Variants in CNOT3 observed in about 807,000 individuals in gnomAD.
CNOT3 encodes CCR4-associated factor 3.
In CNOT3, 2 loss-of-function variants were observed where a neutral mutation model predicts 89.4. That is an observed-to-expected ratio of 0.02 (90% CI 0.01 to 0.07). The LOEUF is 0.07. Ranked by LOEUF, CNOT3 falls within the 10% of genes least tolerant of loss-of-function variation. The pLI is 1.00. For synonymous variants in CNOT3, 486 were observed against 402.0 expected (o/e 1.21, Z -2.50); for missense variants, 664 against 1,010.2 (o/e 0.66, Z 4.65).
chr19:54,143,268 C>G (rs1426345134), intron 3 of CNOT3, 82 bp downstream of exon 3: 2 of 1,295,448 alleles, frequency 1.5e-6, no homozygotes, highest in African/African-American at 2.9e-5. Context: ...GGGTGTTGAC[C>G]AGCGGGAGGG....
intron 13 of CNOT3, among the ~76,000 whole-genome samples, chr19:54,150,847 G>A (rs2075054417): frequency 6.6e-6 from 1 of 151,606 alleles, no homozygotes; most frequent in African/African-American, 2.4e-5. Context: ...CTGGAGTGCA[G>A]TGGTGCAATC....
rs587764978 is a variant in CNOT3 at position 54,145,965 on chromosome 19, C to A, written c.759C>A (p.Ile253=). ...GCCACAGCCACATGGAGGATGAGATCTTCAACCAGTCCAGCAGCACGCCCA... is the reference window on the plus strand; with the variant it reads ...GCCACAGCCACATGGAGGATGAGATATTCAACCAGTCCAGCAGCACGCCCA... The part of the protein sequence containing the change: ...PPSHSHMEDE[I]FNQSSSTPTS... Residue 253 remains isoleucine (I), a synonymous_variant, in exon 9 of 18, where the codon ATC becomes ATA. Coordinates refer to ENST00000221232, the MANE Select transcript of CNOT3 (RefSeq NM_014516.4). The surrounding 1 kb of genome is among the most constrained non-coding windows in gnomAD (Gnocchi z 5.9). 6 of 1,613,900 alleles carry A rather than the reference C, an allele frequency of 3.7e-6. No individual in the cohort carries two copies. In the African/African-American group the frequency reaches 6.7e-5, roughly 18 times the overall value.
rs1368080587 is a variant in CNOT3 at position 54,149,737 on chromosome 19, C to T, written c.1584C>T (p.Phe528=). The change falls in exon 13 of 18, where the codon TTC becomes TTT. Residue 528 remains phenylalanine (F), a synonymous_variant. Transcript: ENST00000221232. ...AGALLNGPPQ[F]STAPEIKAPE... is the part of the protein sequence containing the mutation. The stretch of plus-strand genomic sequence containing the variant: ...CCCTGCTCAATGGGCCTCCACAGTT[C>T]AGCACCGCCCCAGAAATCAAGGTGG... The T allele has an allele frequency of 1.9e-6, 3 of 1,610,954 alleles. No homozygotes were observed. The highest frequency in any genetic ancestry group is 2.5e-6 in the Non-Finnish European group (3 of 1,178,204).
chr19:54,154,576 T>C (rs2075315826), intron 17 of CNOT3: 1 of 156,272 alleles, frequency 6.4e-6, no homozygotes. Flanking sequence ...ACAGTGATGT[T>C]TTTTTCCACC....
In CNOT3 at chr19:54,155,332, C is replaced by T. The variant is rs1568698845; in HGVS notation, c.2187C>T (p.Tyr729=). Residue 729 remains tyrosine, a synonymous_variant, in exon 18 of 18, where the codon TAC becomes TAT. Coordinates refer to ENST00000221232, the MANE Select transcript of CNOT3 (RefSeq NM_014516.4). ...FEQGTYIYFD[Y]EKWGQRKKEG... ...AGGGCACCTACATCTACTTTGACTA[C>T]GAGAAGTGGGGCCAGCGGAAGAAGG... The T allele has an allele frequency of 1.2e-6, 2 of 1,612,970 alleles. No homozygotes were observed. The highest frequency in any genetic ancestry group is 1.3e-5 in the African/African-American group (1 of 75,038).
intron 16 of CNOT3, 198 bp from the exon 17 acceptor site, chr19:54,153,517 A>G: frequency 1.3e-6 from 1 of 778,152 alleles, no homozygotes; most frequent in African/African-American, 1.7e-5. Context: ...AGCAATTTTC[A>G]CCTCCTGTCT....
chr19:54,152,890 G>A lies in CNOT3; in HGVS notation c.1928G>A (p.Cys643Tyr). ...RIRQYLPRNP[C>Y]PTPPYHHQMP... is the part of the protein sequence containing the mutation. Reference sequence around the variant, plus strand: ...AGGCAGTACCTCCCCCGGAACCCCTGTCCGACGCCCCCCTACCACCACCAG... The same window carrying A: ...AGGCAGTACCTCCCCCGGAACCCCTATCCGACGCCCCCCTACCACCACCAG... Residue 643 changes from cysteine (C) to tyrosine (Y), a missense_variant, in exon 16 of 18, where the codon TGT becomes TAT. Physicochemically the swap from Cys to Tyr is radical, Grantham distance 194. Transcript: ENST00000221232. 1.3e-6 allele frequency: 2 copies of A among 1,527,652 alleles called. No individual in the cohort carries two copies. Among genetic ancestry groups the A allele is most frequent in the Non-Finnish European group, 1.8e-6 (2 of 1,120,166 alleles). 94.6% of individuals were successfully genotyped at this position (1,527,652 alleles called of 1,614,324 possible). A position where few individuals can be genotyped will look rare whatever the true frequency, so the allele number is the denominator to read the frequency against.
chr19:54,145,278 T>C lies in CNOT3; in HGVS notation c.484-320T>C, dbSNP rs587751952. ...GCGGGCTCAGTTGAGAAATCTGGGC[T>C]GTCAGGTGAGGTGCAGATGGAGGCC... On this transcript the variant is annotated intron_variant, in intron 7 of 17. Transcript: ENST00000221232. This position sits in a 1 kb window ranked among gnomAD's most constrained non-coding sequence, Gnocchi z 5.9. 1.3e-5 allele frequency among the ~76,000 whole-genome samples: 2 copies of C among 152,262 alleles called. No homozygotes were observed. Among genetic ancestry groups the C allele is most frequent in the South Asian group, 4.1e-4 (2 of 4,826 alleles).
In CNOT3 at chr19:54,148,403, A is replaced by G. The variant is rs1158337276; in HGVS notation, c.1150A>G (p.Ser384Gly). The change falls in exon 11 of 18, where the codon AGC becomes GGC. Residue 384 changes from serine to glycine, a missense_variant. Ser to Gly is a moderately conservative substitution (Grantham distance 56). Transcript: ENST00000221232. The surrounding 1 kb of genome is among the most constrained non-coding windows in gnomAD (Gnocchi z 6.3). ...GGCCCCACCAGCTCCCAGTGGGCCC[A>G]GCACGACCCAGCCCCGGCCCCCCAG... Reference protein sequence around the residue: ...AVAPPAPSGPSTTQPRPPSVQ... With the variant: ...AVAPPAPSGPGTTQPRPPSVQ... 5.8e-6 allele frequency: 9 copies of G among 1,564,186 alleles called. No individual in the cohort carries two copies. The highest frequency in any genetic ancestry group is 1.8e-5 in the Admixed American group (1 of 54,804).
chr19:54,152,064 A>G (rs2075145981), intron 13 of CNOT3, among the ~76,000 whole-genome samples, 162 bp from the exon 14 acceptor site: 1 of 152,044 alleles, frequency 6.6e-6, no homozygotes, highest in South Asian at 2.1e-4. Flanking sequence ...TTGTTTCCCT[A>G]CAGTTTGATG....
intron 10 of CNOT3, 110 bp downstream of exon 10, chr19:54,146,767 G>T: frequency 1.3e-6 from 1 of 761,548 alleles, no homozygotes; most frequent in Admixed American, 1.8e-5. Flanking sequence ...GGACACAGGT[G>T]GCTCAGAAAT....
At chr19:54,146,220 A>G (rs2074665469) in intron 9 of CNOT3, among the ~76,000 whole-genome samples, 177 bp downstream of exon 9, 1 of 152,186 alleles carries the variant, frequency 6.6e-6, no homozygotes, top group African/African-American at 2.4e-5. Flanking sequence ...TCCCTAAAGG[A>G]CATAAAGAGC....
intron 1 of CNOT3, among the ~76,000 whole-genome samples, chr19:54,140,815 T>C (rs1197505423): frequency 1.3e-5 from 2 of 152,200 alleles, no homozygotes; most frequent in Admixed American, 6.5e-5. Context: ...CTTCTCTTGC[T>C]GCCACAGTGT....
rs1267318885 is a variant in CNOT3 at position 54,150,618 on chromosome 19, CAGTGTGCGCGCCCAGGCTGTCCAG to C, written c.1605+861_1605+884del. Among the ~76,000 whole-genome samples the C allele has an allele frequency of 9.7e-5, 12 of 123,596 alleles. No homozygotes were observed. In the South Asian group the frequency reaches 3.1e-3, roughly 32 times the overall value. The allele number at this position is 123,596 out of a possible 152,430, so 81.1% of individuals were successfully genotyped here. A position where few individuals can be genotyped will look rare whatever the true frequency, so the allele number is the denominator to read the frequency against. On this transcript the variant is annotated intron_variant, in intron 13 of 17. Coordinates refer to ENST00000221232, the MANE Select transcript of CNOT3 (RefSeq NM_014516.4). ...GTGCGCGCCCAGGCTGTCCAGGAGG[CAGTGTGCGCGCCCAGGCTGTCCAG>C]GTCCAAGTCTTGGCATTGTCCTTTC... is the stretch of plus-strand genomic sequence containing the variant.
At chr19:54,138,586 C>T (rs1462702957) in intron 1 of CNOT3, among the ~76,000 whole-genome samples, 4 of 152,186 alleles carry the variant, frequency 2.6e-5, no homozygotes, top group Non-Finnish European at 4.4e-5. Context: ...CCCTCCGCAT[C>T]CCTCCTCACT....
intron 9 of CNOT3, among the ~76,000 whole-genome samples, 172 bp downstream of exon 9, chr19:54,146,215 A>G (rs2074665037): frequency 6.6e-6 from 1 of 152,224 alleles, no homozygotes; most frequent in African/African-American, 2.4e-5. Flanking sequence ...CTGGGTCCCT[A>G]AAGGACATAA....
chr19:54,147,406 G>A (rs1420382173), intron 10 of CNOT3, among the ~76,000 whole-genome samples: 8 of 152,204 alleles, frequency 5.3e-5, no homozygotes, highest in African/African-American at 1.9e-4. Context: ...AGGGCCAGGA[G>A]GTGATGAGGA....
intron 1 of CNOT3, 88 bp downstream of exon 1, chr19:54,138,081 G>C (rs895717379): frequency 1.8e-4 from 28 of 152,196 alleles, no homozygotes; most frequent in African/African-American, 6.8e-4. Context: ...TCCCGCCCTG[G>C]CGACACCGCC....
chr19:54,154,216 C>T (rs2075299473), intron 17 of CNOT3: 4 of 417,018 alleles, frequency 9.6e-6, no homozygotes, highest in East Asian at 5.7e-5. Context: ...TTGATGGCCC[C>T]CACTTCACCT....
Sources: allele counts gnomAD v4.1 joint callset (sites outside exome capture counted in the v4.1 genomes callset), GRCh38; gene constraint gnomAD v4.1.1; non-coding constraint Gnocchi (gnomAD v3.1); transcripts MANE v1.5; gene names NCBI Gene and HGNC (gene_info 2026-07-23, HGNC 2026-07-21).